The following CCNH variants were observed in gnomAD, a reference collection of about 807,000 sequenced individuals.
The protein encoded by CCNH is cyclin H, also known as cyclin-H.
Under a neutral mutation model 41.9 loss-of-function variants are expected in CCNH, and 31 were observed. That is an observed-to-expected ratio of 0.74 (90% confidence interval 0.56 to 1.00). The LOEUF (loss-of-function observed/expected upper bound fraction) is 1.00. Ranked by LOEUF, CCNH falls within the 50% of genes least tolerant of loss-of-function variation. The probability of loss-of-function intolerance (pLI) is 0.00; values close to 1 mark genes in which losing one functional copy is unlikely to be tolerated. For missense variants in CCNH, 362 were observed against 388.4 expected, an observed-to-expected ratio of 0.93 and a Z score of 0.57; for synonymous variants, 138 against 136.1, an observed-to-expected ratio of 1.01 and a Z score of -0.10.
At chr5:87,335,833 T>A (rs566234245) in intron 9 of CCNH, among the ~76,000 whole-genome samples, 104 of 152,320 alleles carry the variant, frequency 6.8e-4, no homozygotes, top group African/African-American at 2.5e-3. Flanking sequence ...TACAAAATTA[T>A]GCATGGGTAA....
At chr5:87,378,153 A>G (rs185334531), upstream of CCNH, among the ~76,000 whole-genome samples, 19 of 152,316 alleles carry the variant, frequency 1.2e-4, no homozygotes, top group Admixed American at 5.9e-4. Context: ...ATTTTTCCAT[A>G]TGAACATGGC....
intron 9 of CCNH, chr5:87,353,244 T>C: frequency 6.3e-7 from 1 of 1,590,072 alleles, no homozygotes; most frequent in Non-Finnish European, 8.6e-7. Flanking sequence ...AGGTCAGTGT[T>C]GCATTTCTTA....
intron 9 of CCNH, chr5:87,331,085 A>G: frequency 1.0e-6 from 1 of 970,544 alleles, no homozygotes; most frequent in South Asian, 1.7e-5. Context: ...TCCTGGAAGT[A>G]GGGAGATGGG....
intron 9 of CCNH, among the ~76,000 whole-genome samples, chr5:87,343,064 ATGTT>A (rs1473905148): frequency 2.0e-5 from 3 of 152,042 alleles, no homozygotes; most frequent in Admixed American, 6.6e-5. Flanking sequence ...TTTTATGTGT[ATGTT>A]TGTTCCCTTT....
upstream of CCNH, among the ~76,000 whole-genome samples, chr5:87,382,038 G>A (rs556824623): frequency 7.9e-5 from 12 of 152,150 alleles, no homozygotes; most frequent in Admixed American, 4.6e-4. Flanking sequence ...TGCAACCCCC[G>A]CCTCCCAGGT....
downstream of CCNH, among the ~76,000 whole-genome samples, chr5:87,388,908 T>C (rs1762257387): frequency 6.6e-6 from 1 of 152,110 alleles, no homozygotes; most frequent in African/African-American, 2.4e-5. Flanking sequence ...CAAAGCTAAT[T>C]GTTAGGAAGC....
Position 87,411,238 on chromosome 5 carries a change from G to A in CCNH, c.226C>T (p.Pro76Ser). ...EFCSVFKPAM[P>S]RSVVGTACMY... is the part of the protein sequence containing the mutation. ...CTGTAACTTACCACAACAGATCTTG[G>A]CATTGCTGGCTTAAACACCGAACAG... is the stretch of plus-strand genomic sequence containing the variant. Residue 76 changes from proline (P) to serine (S), a missense_variant, in exon 2 of 9, where the codon CCA becomes TCA. Physicochemically the swap from Pro to Ser is moderately conservative, Grantham distance 74. Coordinates refer to ENST00000256897, the MANE Select transcript of CCNH (RefSeq NM_001239.4). The A allele has an allele frequency of 6.2e-7, 1 of 1,611,454 alleles. No homozygotes were observed. Among genetic ancestry groups the A allele is most frequent in the South Asian group, 1.1e-5 (1 of 90,510 alleles).
chr5:87,394,876 A>C (rs909071599), intron 8 of CCNH, 168 bp downstream of exon 8: 11 of 1,404,234 alleles, frequency 7.8e-6, no homozygotes, highest in Non-Finnish European at 9.2e-6. Flanking sequence ...AGAGAGAAAA[A>C]TCCCTTTAAT....
chr5:87,321,616 TGGCAAGGTCTGGATGCCATAG>T (rs1328348595), intron 9 of CCNH, among the ~76,000 whole-genome samples: 2 of 152,374 alleles, frequency 1.3e-5, no homozygotes, highest in South Asian at 4.1e-4. Flanking sequence ...AACAGCCATA[TGGCAAGGTCTGGATGCCATAG>T]GGCAAGGTCT....
chr5:87,337,875 A>C (rs748095755), intron 9 of CCNH: 142 of 1,250,328 alleles, frequency 1.1e-4, no homozygotes, highest in Non-Finnish European at 1.4e-4. Flanking sequence ...TACATTTTTC[A>C]ATATAATACT....
downstream of CCNH, among the ~76,000 whole-genome samples, chr5:87,317,182 G>A (rs1198766735): frequency 6.6e-6 from 1 of 151,904 alleles, no homozygotes; most frequent in Non-Finnish European, 1.5e-5. Context: ...TGCGCCTGGC[G>A]GATACCACAA....
At chr5:87,316,341 T>C (rs1005590292), downstream of CCNH, among the ~76,000 whole-genome samples, 2 of 152,152 alleles carry the variant, frequency 1.3e-5, no homozygotes, top group South Asian at 2.1e-4. Flanking sequence ...ATGGGAAAAA[T>C]AGCTGCGGAA....
downstream of CCNH, among the ~76,000 whole-genome samples, chr5:87,315,226 A>G (rs748958918): frequency 1.1e-4 from 17 of 152,264 alleles, no homozygotes; most frequent in Non-Finnish European, 2.1e-4. Flanking sequence ...TTATTTTAAA[A>G]AACTATTTCT....
downstream of CCNH, among the ~76,000 whole-genome samples, chr5:87,313,979 C>A (rs1580235322): frequency 6.6e-6 from 1 of 151,668 alleles, no homozygotes. Flanking sequence ...ACTACCCTGA[C>A]CAACATGGAG....
At chr5:87,349,091 A>C (rs1759071726) in intron 9 of CCNH, 2 of 1,221,814 alleles carry the variant, frequency 1.6e-6, no homozygotes, top group Non-Finnish European at 2.3e-6. Flanking sequence ...TAAAAAAAAA[A>C]CAAGTTCCTG....
chr5:87,333,637 A>G (rs1024531522), intron 9 of CCNH, among the ~76,000 whole-genome samples: 2 of 152,176 alleles, frequency 1.3e-5, no homozygotes, highest in African/African-American at 4.8e-5. Context: ...AATTTTTGTT[A>G]CCATGTGACA....
downstream of CCNH, among the ~76,000 whole-genome samples, chr5:87,393,238 GTA>G (rs1365296952): frequency 1.3e-5 from 2 of 152,140 alleles, no homozygotes; most frequent in Non-Finnish European, 2.9e-5. Flanking sequence ...GGAGGTGTGT[GTA>G]TTTGTGCAAT....
chr5:87,397,439 C>T lies in CCNH; in HGVS notation c.872+1955G>A, dbSNP rs139607536. 2.7e-3 allele frequency among the ~76,000 whole-genome samples: 408 copies of T among 152,312 alleles called. 5 individuals are homozygous for T. The highest frequency in any genetic ancestry group is 8.7e-3 in the East Asian group (45 of 5,190). On this transcript the variant is annotated intron_variant, in intron 7 of 8. Transcript: ENST00000256897. ...CCTCCCAAACTGCTGAGATTACAGG[C>T]ATGAGCCACTGTGCCCGGCCCTAGA... is the stretch of plus-strand genomic sequence containing the variant.
chr5:87,409,457 T>C, intron 2 of CCNH, 94 bp from the exon 3 acceptor site: 1 of 669,538 alleles, frequency 1.5e-6, no homozygotes, highest in South Asian at 2.0e-5. Flanking sequence ...AAGGTTTCTT[T>C]GTAGAGATTA....
Sources: gnomAD v4.1 joint callset for allele counts (sites outside exome capture counted in the v4.1 genomes callset) on GRCh38, gnomAD v4.1.1 for gene constraint, MANE v1.5 for transcripts, NCBI Gene and HGNC (gene_info 2026-07-23, HGNC 2026-07-21) for gene names.